Variants in PAQR4 observed in about 807,000 individuals in gnomAD.
The protein encoded by PAQR4 is progestin and adipoQ receptor family member IV.
In PAQR4, 26 loss-of-function variants were observed where a neutral mutation model predicts 20.9. The ratio of observed to expected loss-of-function variants is 1.24; its 90% CI spans 0.91 to 1.73. The LOEUF is 1.73. PAQR4 is among the 40% of genes most tolerant of loss of function. The pLI, the probability that PAQR4 is intolerant of heterozygous loss-of-function variation, is 0.00. For missense variants in PAQR4, 400 were observed against 380.1 expected (o/e 1.05, Z -0.44); for synonymous variants, 193 against 171.6 (o/e 1.12, Z -0.97).
chr16:2,970,926 C>T (rs1390194761), intron 1 of PAQR4: 1 of 603,104 alleles, frequency 1.7e-6, no homozygotes, highest in Non-Finnish European at 2.9e-6. Context: ...TCTGTTTCCT[C>T]ACCTGCAAAG....
At position 2,969,847 on chromosome 16, in the gene PAQR4, C is replaced by G; in HGVS notation, c.166+7C>G. 6.2e-7 allele frequency: 1 copy of G among 1,609,124 alleles called. No individual in the cohort carries two copies. The highest frequency in any genetic ancestry group is 8.5e-7 in the Non-Finnish European group (1 of 1,178,380). On this transcript the variant is annotated splice_region_variant and intron_variant, in intron 1 of 2. Coordinates refer to ENST00000318782, the MANE Select transcript of PAQR4 (RefSeq NM_152341.5). ...GGCAACATCTACACGCACGGTGAGCCGCGTCCCGCAACGCGCTTCCCACAC... is the reference window on the plus strand; with the variant it reads ...GGCAACATCTACACGCACGGTGAGCGGCGTCCCGCAACGCGCTTCCCACAC...
chr16:2,969,429 G>A lies in PAQR4; in HGVS notation c.-246G>A, dbSNP rs1264127308. ...CTGCCTTGGCGGAGCCGACCGCAGT[G>A]CGCTCAGGCGTCCGGTGCGTCCCCA... is the stretch of plus-strand genomic sequence containing the variant. On this transcript the variant is annotated 5_prime_UTR_variant, in exon 1 of 3. Transcript: ENST00000318782. The A allele has an allele frequency of 1.3e-5, 3 of 226,454 alleles. No homozygotes were observed. In the East Asian group the frequency reaches 3.0e-4, roughly 23 times the overall value. 14.0% of individuals were successfully genotyped at this position (226,454 alleles called of 1,614,324 possible).
At chr16:2,970,594 C>T (rs1428810176) in intron 1 of PAQR4, among the ~76,000 whole-genome samples, 1 of 152,166 alleles carries the variant, frequency 6.6e-6, no homozygotes, top group Non-Finnish European at 1.5e-5. Context: ...CCTCGAAGCC[C>T]CCTTCCCTTC....
Position 2,972,720 on chromosome 16 carries a change from C to A in PAQR4, c.*772C>A, listed in dbSNP as rs767595899. On this transcript the variant is annotated 3_prime_UTR_variant, in exon 3 of 3. Transcript: ENST00000318782. ...GGCCCAAGGCCAGGAGCGCTGGGTT[C>A]TGCAGCAGGGCTCAGCCTCAGGGGC... 6.5e-6 allele frequency: 10 copies of A among 1,536,220 alleles called. No individual in the cohort carries two copies. The East Asian group carries it at 2.2e-4, about 34-fold the overall frequency.
At chr16:2,970,342 G>T (rs1596439061) in intron 1 of PAQR4, 1 of 160,444 alleles carries the variant, frequency 6.2e-6, no homozygotes, top group East Asian at 1.9e-4. Context: ...TGCTGACACA[G>T]CCCTGCCCGT....
At chr16:2,971,049 G>A in intron 1 of PAQR4, 108 bp from the exon 2 acceptor site, 2 of 1,147,240 alleles carry the variant, frequency 1.7e-6, no homozygotes, top group South Asian at 2.8e-5. Context: ...CCAACTGGAT[G>A]ACAGCATTAC....
In PAQR4 at chr16:2,971,787, G is replaced by A. The variant is rs1172448850; in HGVS notation, c.661G>A (p.Val221Ile). Residue 221 changes from valine to isoleucine, a missense_variant, in exon 3 of 3, where the codon GTA becomes ATA. Val to Ile is a conservative substitution (Grantham distance 29). Coordinates refer to ENST00000318782, the MANE Select transcript of PAQR4 (RefSeq NM_152341.5). ...GGCGCTGCTTGGGGGACTGGTAAATGTAGCCCGTCTGCCCGAGCGCTGGGG... is the reference window on the plus strand; with the variant it reads ...GGCGCTGCTTGGGGGACTGGTAAATATAGCCCGTCTGCCCGAGCGCTGGGG... The part of the protein sequence containing the change: ...ALALLGGLVN[V>I]ARLPERWGPG... 6.2e-7 allele frequency: 1 copy of A among 1,612,948 alleles called. No homozygotes were observed. Among genetic ancestry groups the A allele is most frequent in the South Asian group, 1.1e-5 (1 of 91,084 alleles).
chr16:2,971,985 GT>G lies in PAQR4; in HGVS notation c.*39del. The G allele has an allele frequency of 6.6e-7, 1 of 1,514,152 alleles. No homozygotes were observed. Among genetic ancestry groups the G allele is most frequent in the Admixed American group, 2.0e-5 (1 of 50,972 alleles). The allele number at this position is 1,514,152 out of a possible 1,614,324, so 93.8% of individuals were successfully genotyped here. On this transcript the variant is annotated 3_prime_UTR_variant, in exon 3 of 3. Transcript: ENST00000318782. ...AGCCTGCCCACAGCAGCCTCCTAGA[GT>G]TAGCAACACCAGGTGTTCCTCCCAA...
chr16:2,971,794 G>A lies in PAQR4; in HGVS notation c.668G>A (p.Arg223His), dbSNP rs377539451. The part of the protein sequence containing the change: ...ALLGGLVNVA[R>H]LPERWGPGRF... ...CTTGGGGGACTGGTAAATGTAGCCC[G>A]TCTGCCCGAGCGCTGGGGACCTGGC... Residue 223 changes from arginine to histidine, a missense_variant, in exon 3 of 3, where the codon CGT (arginine) becomes CAT (histidine). Transcript: ENST00000318782. 7.6e-5 allele frequency: 123 copies of A among 1,612,750 alleles called. 3 individuals carry two copies. The highest frequency in any genetic ancestry group is 6.6e-4 in the South Asian group (60 of 91,092).
Position 2,973,096 on chromosome 16 carries a change from C to G in PAQR4, c.*1148C>G. ...GGAGAGAGTAGTGACACTCAGGATC[C>G]AAAAGCTAGCCCTGCCCACCCCAGC... On this transcript the variant is annotated 3_prime_UTR_variant, in exon 3 of 3. Transcript: ENST00000318782. 6.4e-7 allele frequency: 1 copy of G among 1,573,606 alleles called. No individual in the cohort carries two copies. Among genetic ancestry groups the G allele is most frequent in the Non-Finnish European group, 8.6e-7 (1 of 1,157,700 alleles).
rs1481664581 is a variant in PAQR4 at position 2,972,927 on chromosome 16, A to G, written c.*979A>G. On this transcript the variant is annotated 3_prime_UTR_variant, in exon 3 of 3. Transcript: ENST00000318782. Reference sequence around the variant, plus strand: ...CGGGAGAGACACAGGATAAAAGGTTAAAAGTGCAGAGGCAGAGTCTGGGGC... The same window carrying G: ...CGGGAGAGACACAGGATAAAAGGTTGAAAGTGCAGAGGCAGAGTCTGGGGC... 1.9e-6 allele frequency: 3 copies of G among 1,582,052 alleles called. No homozygotes were observed. Among genetic ancestry groups the G allele is most frequent in the Admixed American group, 3.7e-5 (2 of 54,172 alleles).
At position 2,971,917 on chromosome 16, in the gene PAQR4, G is replaced by A. The variant is rs2072006976; in HGVS notation, c.791G>A (p.Trp264Ter). The change falls in exon 3 of 3, where the codon TGG becomes TAG. Residue 264 changes from tryptophan to a stop codon, truncating the protein, a stop_gained. Coordinates refer to ENST00000318782, the MANE Select transcript of PAQR4 (RefSeq NM_152341.5). LOFTEE classifies it high-confidence loss of function. Reference sequence around the variant, plus strand: ...GCCGGCGTCGTGCCCGACCTGCTCTGGGCTGCCCACCACGCCTGTCCCCGG... The same window carrying A: ...GCCGGCGTCGTGCCCGACCTGCTCTAGGCTGCCCACCACGCCTGTCCCCGG... ...LHAGVVPDLL[W>*]AAHHACPRD 1 of 1,601,246 alleles carries A rather than the reference G, an allele frequency of 6.2e-7. No homozygotes were observed. Among genetic ancestry groups the A allele is most frequent in the African/African-American group, 1.3e-5 (1 of 74,878 alleles).
At position 2,971,943 on chromosome 16, in the gene PAQR4, G is replaced by C; in HGVS notation, c.817G>C (p.Asp273His). 6.3e-7 allele frequency: 1 copy of C among 1,582,448 alleles called. No homozygotes were observed. Among genetic ancestry groups the C allele is most frequent in the Non-Finnish European group, 8.6e-7 (1 of 1,168,404 alleles). ...LWAAHHACPR[D>H] ...GGCTGCCCACCACGCCTGTCCCCGGGACTGAGCTGCCATGCCAGCCTGCCC... is the reference window on the plus strand; with the variant it reads ...GGCTGCCCACCACGCCTGTCCCCGGCACTGAGCTGCCATGCCAGCCTGCCC... The change falls in exon 3 of 3, where the codon GAC (aspartate) becomes CAC (histidine). Residue 273 changes from aspartate to histidine, a missense_variant. Physicochemically the swap from Asp to His is moderately conservative, Grantham distance 81. Coordinates refer to ENST00000318782, the MANE Select transcript of PAQR4 (RefSeq NM_152341.5).
Position 2,971,308 on chromosome 16 carries a change from A to G in PAQR4, c.318A>G (p.Gln106=). The G allele has an allele frequency of 6.2e-7, 1 of 1,612,654 alleles. No individual in the cohort carries two copies. The highest frequency in any genetic ancestry group is 8.5e-7 in the Non-Finnish European group (1 of 1,180,004). Residue 106 remains glutamine, a synonymous_variant, in exon 2 of 3, where the codon CAA becomes CAG. Transcript: ENST00000318782. Reference sequence around the variant, plus strand: ...TCTATCACCTCTTTATGTGCCACCAAGGGGGCAGCGCTGTGTACGCCCGGC... The same window carrying G: ...TCTATCACCTCTTTATGTGCCACCAGGGGGGCAGCGCTGTGTACGCCCGGC... ...SVLYHLFMCH[Q]GGSAVYARLL...
rs2072051974 is a variant in PAQR4, at chr16:2,973,152, G to A, written c.*1204G>A. The stretch of plus-strand genomic sequence containing the variant: ...GACCTGCTTACCTGGGTGTGCACCT[G>A]CTCCGGGGGGTGGAGGTGCTCCCCA... On this transcript the variant is annotated 3_prime_UTR_variant, in exon 3 of 3. Coordinates refer to ENST00000318782, the MANE Select transcript of PAQR4 (RefSeq NM_152341.5). The A allele has an allele frequency of 6.5e-7, 1 of 1,542,504 alleles. No homozygotes were observed. The highest frequency in any genetic ancestry group is 1.2e-5 in the South Asian group (1 of 82,646).
At position 2,970,952 on chromosome 16, in the gene PAQR4, C is replaced by G. The variant is rs1166568793; in HGVS notation, c.167-205C>G. 1.6e-5 allele frequency: 10 copies of G among 609,880 alleles called. 1 individual carries two copies. The highest frequency in any genetic ancestry group is 8.8e-4 in the Middle Eastern group (2 of 2,282). 37.8% of individuals were successfully genotyped at this position (609,880 alleles called of 1,614,324 possible). ...ACCTGCAAAGTGGGGATCATGGTCT[C>G]TACTTCCCAGACCATCCTGAGCCAT... On this transcript the variant is annotated intron_variant, in intron 1 of 2. Coordinates refer to ENST00000318782, the MANE Select transcript of PAQR4 (RefSeq NM_152341.5).
At chr16:2,970,456 C>T in intron 1 of PAQR4, among the ~76,000 whole-genome samples, 1 of 152,250 alleles carries the variant, frequency 6.6e-6, no homozygotes, top group South Asian at 2.1e-4. Flanking sequence ...GGTGGGCAGC[C>T]TTCGGAGCCC....
In PAQR4 at chr16:2,971,893, C is replaced by A; in HGVS notation, c.767C>A (p.Ala256Asp). 2 of 1,608,414 alleles carry A rather than the reference C, an allele frequency of 1.2e-6. No homozygotes were observed. The highest frequency in any genetic ancestry group is 8.5e-7 in the Non-Finnish European group (1 of 1,179,630). Residue 256 changes from alanine to aspartate, a missense_variant, in exon 3 of 3, where the codon GCC becomes GAC. Ala to Asp is a moderately radical substitution (Grantham distance 126). Coordinates refer to ENST00000318782, the MANE Select transcript of PAQR4 (RefSeq NM_152341.5). ...LSVGSILQLH[A>D]GVVPDLLWAA... ...GTGGGCTCCATCCTGCAGCTGCACG[C>A]CGGCGTCGTGCCCGACCTGCTCTGG...
intron 1 of PAQR4, 92 bp from the exon 2 acceptor site, chr16:2,971,065 C>A: frequency 1.6e-6 from 2 of 1,276,326 alleles, no homozygotes; most frequent in South Asian, 1.3e-5. Flanking sequence ...ATTACCTGGA[C>A]CTGTCTTGCC....
Sources: allele counts gnomAD v4.1 joint callset (sites outside exome capture counted in the v4.1 genomes callset), GRCh38; gene constraint gnomAD v4.1.1; transcripts MANE v1.5; gene names NCBI Gene and HGNC (gene_info 2026-07-23, HGNC 2026-07-21).